The following MYO1D variants were observed in gnomAD, a reference collection of about 807,000 sequenced individuals.
The protein encoded by MYO1D is myosin ID, also known as unconventional myosin-Id.
Under a neutral mutation model 122.0 loss-of-function variants are expected in MYO1D, and 83 were observed. The observed-to-expected ratio is 0.68, with a 90% CI of 0.57 to 0.82. MYO1D has a LOEUF of 0.82. Ranked by LOEUF, MYO1D falls within the 40% of genes least tolerant of loss-of-function variation. The pLI, the probability that MYO1D is intolerant of heterozygous loss-of-function variation, is 0.00. For missense variants in MYO1D, 1,157 were observed against 1,269.5 expected (o/e 0.91, Z 1.35); for synonymous variants, 464 against 446.9 (o/e 1.04, Z -0.48).
chr17:32,594,362 T>C (rs911991930), intron 21 of MYO1D: 1 of 414,316 alleles, frequency 2.4e-6, no homozygotes, highest in African/African-American at 2.0e-5. Context: ...AATTCTATTT[T>C]CTGCAATATC....
intron 21 of MYO1D, among the ~76,000 whole-genome samples, chr17:32,586,172 G>A (rs1413751692): frequency 1.3e-5 from 2 of 152,172 alleles, no homozygotes; most frequent in Non-Finnish European, 2.9e-5. Context: ...CAAACCATAA[G>A]AATTCGTTTT....
intron 21 of MYO1D, among the ~76,000 whole-genome samples, chr17:32,576,297 G>C (rs2087277952): frequency 1.3e-5 from 2 of 152,156 alleles, no homozygotes; most frequent in Admixed American, 1.3e-4. Context: ...TGGGTCTCCT[G>C]ACCTTATTTC....
In MYO1D at chr17:32,627,308, C is replaced by T. The variant is rs531678515; in HGVS notation, c.2709+11414G>A. Among the ~76,000 whole-genome samples, 6 of 152,288 alleles carry T rather than the reference C, an allele frequency of 3.9e-5. No homozygotes were observed. The South Asian group carries it at 1.2e-3, about 32-fold the overall frequency. On this transcript the variant is annotated intron_variant, in intron 20 of 21. Transcript: ENST00000318217. ...CTAGCGCACACCAGCACAGGCGGTGCCAGACGTCAGCTGACTGTATCCATT... is the reference window on the plus strand; with the variant it reads ...CTAGCGCACACCAGCACAGGCGGTGTCAGACGTCAGCTGACTGTATCCATT...
intron 21 of MYO1D, among the ~76,000 whole-genome samples, chr17:32,596,941 G>A (rs1029040278): frequency 2.0e-5 from 3 of 152,186 alleles, no homozygotes; most frequent in African/African-American, 7.2e-5. Context: ...CAAACCAAAA[G>A]TCAGCCACAC....
intron 14 of MYO1D, among the ~76,000 whole-genome samples, chr17:32,730,644 T>C (rs2089627513): frequency 1.3e-5 from 2 of 152,228 alleles, no homozygotes; most frequent in South Asian, 4.1e-4. Flanking sequence ...TGTCATACTT[T>C]TGAATCTAAT....
chr17:32,784,049 G>T (rs1384824692), intron 1 of MYO1D, among the ~76,000 whole-genome samples: 3 of 152,180 alleles, frequency 2.0e-5, no homozygotes. Flanking sequence ...GATAGGTAAG[G>T]TAATAAAAGC....
At chr17:32,814,874 T>C (rs2151052972) in intron 1 of MYO1D, among the ~76,000 whole-genome samples, 1 of 152,346 alleles carries the variant, frequency 6.6e-6, no homozygotes, top group African/African-American at 2.4e-5. Context: ...CAGTGACATG[T>C]CCGACAAAAA....
chr17:32,502,752 C>G (rs556893029), intron 21 of MYO1D, among the ~76,000 whole-genome samples: 4 of 152,172 alleles, frequency 2.6e-5, no homozygotes, highest in African/African-American at 9.7e-5. Flanking sequence ...GGGTCAGTGA[C>G]TTCTTTCTTG....
intron 1 of MYO1D, among the ~76,000 whole-genome samples, chr17:32,786,290 G>A (rs894293327): frequency 1.3e-5 from 2 of 152,174 alleles, no homozygotes; most frequent in Non-Finnish European, 2.9e-5. Context: ...TCATAGTGGT[G>A]AGGCAAAAGA....
chr17:32,807,213 T>C (rs1388022103), intron 1 of MYO1D, among the ~76,000 whole-genome samples: 1 of 152,176 alleles, frequency 6.6e-6, no homozygotes, highest in Non-Finnish European at 1.5e-5. Flanking sequence ...GACTATACTA[T>C]AGTGTTTAAA....
intron 3 of MYO1D, among the ~76,000 whole-genome samples, chr17:32,778,040 C>T (rs1190176110): frequency 6.6e-6 from 1 of 152,164 alleles, no homozygotes; most frequent in Non-Finnish European, 1.5e-5. Context: ...CTTCCAGAGT[C>T]CCACTTCTCT....
In MYO1D at chr17:32,605,250, A is replaced by T. The variant is rs1215069670; in HGVS notation, c.2710-9T>A. ...ACACTCAGACCAGTCAACTGCAAAG[A>T]GAAAATGCATGGAAAACTATTTGGA... On this transcript the variant is annotated splice_polypyrimidine_tract_variant and intron_variant, in intron 20 of 21. Coordinates refer to ENST00000318217, the MANE Select transcript of MYO1D (RefSeq NM_015194.3). 6.5e-7 allele frequency: 1 copy of T among 1,538,964 alleles called. No homozygotes were observed. Among genetic ancestry groups the T allele is most frequent in the East Asian group, 2.3e-5 (1 of 43,582 alleles).
chr17:32,643,649 G>C (rs979658312), intron 19 of MYO1D, among the ~76,000 whole-genome samples: 9 of 152,166 alleles, frequency 5.9e-5, no homozygotes, highest in Non-Finnish European at 1.2e-4. Flanking sequence ...TTAGTCTTGG[G>C]AGGGTGTATG....
chr17:32,642,257 T>C (rs1209427963), intron 19 of MYO1D, among the ~76,000 whole-genome samples: 1 of 152,250 alleles, frequency 6.6e-6, no homozygotes, highest in African/African-American at 2.4e-5. Flanking sequence ...GTGGTATTAT[T>C]TCTGAGGGCT....
intron 19 of MYO1D, 62 bp downstream of exon 19, chr17:32,653,781 A>T: frequency 7.1e-7 from 1 of 1,402,540 alleles, no homozygotes; most frequent in Non-Finnish European, 1.0e-6. Flanking sequence ...AGGCTTGCTT[A>T]AGTGAGTTTC....
chr17:32,526,648 T>C (rs1910352889), intron 21 of MYO1D, among the ~76,000 whole-genome samples: 1 of 151,978 alleles, frequency 6.6e-6, no homozygotes, highest in African/African-American at 2.4e-5. Context: ...ACCCCTATTT[T>C]CAAGGTATAG....
intron 1 of MYO1D, among the ~76,000 whole-genome samples, chr17:32,850,178 C>T (rs2090973991): frequency 6.6e-6 from 1 of 152,138 alleles, no homozygotes; most frequent in African/African-American, 2.4e-5. Flanking sequence ...AGTTTAATAG[C>T]TACTGTTCTT....
chr17:32,756,467 CAACATTATGTGTA>C (rs2089948291), intron 10 of MYO1D, among the ~76,000 whole-genome samples: 3 of 151,686 alleles, frequency 2.0e-5, no homozygotes, highest in Admixed American at 2.0e-4. Flanking sequence ...ACAAAAATAT[CAACATTATGTGTA>C]CAGGATAATG....
chr17:32,600,059 A>C (rs964349023), intron 21 of MYO1D, among the ~76,000 whole-genome samples: 1 of 152,236 alleles, frequency 6.6e-6, no homozygotes. Context: ...AACATTAATC[A>C]AGCCTTGTAC....
Sources: gnomAD v4.1 joint callset for allele counts (sites outside exome capture counted in the v4.1 genomes callset) on GRCh38, gnomAD v4.1.1 for gene constraint, MANE v1.5 for transcripts, NCBI Gene and HGNC (gene_info 2026-07-23, HGNC 2026-07-21) for gene names.